GNG4: variants seen among roughly 807,000 people sequenced by gnomAD.
GNG4 encodes the protein G protein subunit gamma 4.
In GNG4, 4 loss-of-function variants were observed where a neutral mutation model predicts 5.8. That is an observed-to-expected ratio of 0.69 (90% confidence interval 0.34 to 1.57). The LOEUF is 1.57. GNG4 is among the 40% of genes most tolerant of loss of function. GNG4 has a pLI of 0.06. For missense variants in GNG4, 96 were observed against 95.1 expected (o/e 1.01, Z -0.04); for synonymous variants, 29 against 32.9 (o/e 0.88, Z 0.41).
chr1:235,578,317 T>C (rs1442071002), intron 3 of GNG4, among the ~76,000 whole-genome samples: 1 of 152,210 alleles, frequency 6.6e-6, no homozygotes, highest in Non-Finnish European at 1.5e-5. Context: ...AACCGTGGTA[T>C]GCCATTGGTG....
chr1:235,649,279 C>T lies in GNG4; in HGVS notation c.-123+383G>A, dbSNP rs1282165834. Among the ~76,000 whole-genome samples the T allele has an allele frequency of 6.6e-6, 1 of 152,230 alleles. No homozygotes were observed. Among genetic ancestry groups the T allele is most frequent in the Non-Finnish European group, 1.5e-5 (1 of 68,034 alleles). On this transcript the variant is annotated intron_variant, in intron 1 of 3. Transcript: ENST00000391854. The surrounding 1 kb of genome is among the most constrained non-coding windows in gnomAD (Gnocchi z 5.7). Reference sequence around the variant, plus strand: ...CTCCTGCCACTGAGGTCCTTTTCCACGGGGGACGTCCCCGCTGGGAAAACA... The same window carrying T: ...CTCCTGCCACTGAGGTCCTTTTCCATGGGGGACGTCCCCGCTGGGAAAACA...
At chr1:235,594,546 T>C (rs1254787556) in intron 2 of GNG4, among the ~76,000 whole-genome samples, 2 of 152,112 alleles carry the variant, frequency 1.3e-5, no homozygotes, top group Non-Finnish European at 2.9e-5. Context: ...GGCTCAGGCA[T>C]GGTGGGCTGC....
chr1:235,598,125 G>A (rs976659775), intron 1 of GNG4, among the ~76,000 whole-genome samples: 3 of 152,064 alleles, frequency 2.0e-5, no homozygotes, highest in Non-Finnish European at 2.9e-5. Context: ...CTCTACCATC[G>A]GTTCCCCAAA....
intron 2 of GNG4, among the ~76,000 whole-genome samples, chr1:235,590,616 TTC>T (rs949123073): frequency 7.9e-5 from 12 of 152,180 alleles, no homozygotes; most frequent in African/African-American, 2.9e-4. Flanking sequence ...CTCACCCTGA[TTC>T]TGTGTCTAGG....
intron 1 of GNG4, among the ~76,000 whole-genome samples, chr1:235,638,811 C>T (rs1239191112): frequency 6.6e-6 from 1 of 152,132 alleles, no homozygotes; most frequent in Non-Finnish European, 1.5e-5. Flanking sequence ...CAGCTTCATC[C>T]ATGTCCCTGC....
Position 235,549,839 on chromosome 1 carries a change from C to T in GNG4, c.*2270G>A, listed in dbSNP as rs1049244116. ...GGAACCATGGTCTCTTTGAAGTCAT[C>T]CATTCTTCCCTATATTATACCACGG... On this transcript the variant is annotated 3_prime_UTR_variant, in exon 4 of 4. Transcript: ENST00000391854. 9 of 152,196 alleles carry T rather than the reference C, an allele frequency of 5.9e-5. No individual in the cohort carries two copies. The highest frequency in any genetic ancestry group is 2.2e-4 in the African/African-American group (9 of 41,454). 9.4% of individuals were successfully genotyped at this position (152,196 alleles called of 1,614,324 possible).
intron 3 of GNG4, among the ~76,000 whole-genome samples, chr1:235,561,050 G>T (rs534969378): frequency 6.6e-6 from 1 of 152,098 alleles, no homozygotes; most frequent in African/African-American, 2.4e-5. Context: ...TCACTCTGTC[G>T]CCAGGCTGCA....
chr1:235,605,056 C>A (rs1462533874), intron 1 of GNG4, among the ~76,000 whole-genome samples: 1 of 152,086 alleles, frequency 6.6e-6, no homozygotes, highest in Non-Finnish European at 1.5e-5. Flanking sequence ...AGTCATTTGT[C>A]CAAAGCCATT....
chr1:235,567,836 T>C (rs567552544), intron 3 of GNG4, among the ~76,000 whole-genome samples: 1 of 152,340 alleles, frequency 6.6e-6, no homozygotes, highest in South Asian at 2.1e-4. Context: ...AGGTGATACA[T>C]GGATTGTCTC....
rs1459139771 is a variant in GNG4 at position 235,649,365 on chromosome 1, C to G, written c.-123+297G>C. ...CCCCCGAGCCCCCGCCTGCCTCATGCCGGAGGGACCGGGCGCCCCCAGCCC... is the reference window on the plus strand; with the variant it reads ...CCCCCGAGCCCCCGCCTGCCTCATGGCGGAGGGACCGGGCGCCCCCAGCCC... On this transcript the variant is annotated intron_variant, in intron 1 of 3. Transcript: ENST00000391854. The surrounding 1 kb of genome is among the most constrained non-coding windows in gnomAD (Gnocchi z 5.7). Among the ~76,000 whole-genome samples the G allele has an allele frequency of 6.6e-6, 1 of 152,194 alleles. No individual in the cohort carries two copies. Among genetic ancestry groups the G allele is most frequent in the Non-Finnish European group, 1.5e-5 (1 of 68,020 alleles).
intron 1 of GNG4, among the ~76,000 whole-genome samples, chr1:235,646,602 C>T (rs930876359): frequency 6.6e-6 from 1 of 152,216 alleles, no homozygotes; most frequent in Non-Finnish European, 1.5e-5. Flanking sequence ...GCCATGGAGA[C>T]GAACAGTTCC....
intron 1 of GNG4, among the ~76,000 whole-genome samples, chr1:235,626,085 G>A (rs1023204505): frequency 5.3e-5 from 8 of 152,124 alleles, no homozygotes; most frequent in African/African-American, 1.9e-4. Context: ...GCAGATCCTG[G>A]CCCGCTTTGT....
intron 2 of GNG4, among the ~76,000 whole-genome samples, chr1:235,587,490 G>GTGTA (rs1687819322): frequency 2.9e-5 from 1 of 34,042 alleles, no homozygotes. Flanking sequence ...GTGTGGATGG[G>GTGTA]GGGTGGGGGT....
intron 3 of GNG4, among the ~76,000 whole-genome samples, chr1:235,579,392 CAAAGTAAATACATTAATAAAAAAAAA>C (rs1687566889): frequency 7.3e-6 from 1 of 136,318 alleles, no homozygotes; most frequent in Non-Finnish European, 1.5e-5. Context: ...TTTTACTTGT[CAAAGTAAATACATTAATAAAAAAAAA>C]AAAGTAAATA....
At chr1:235,622,384 T>TA (rs1213686815) in intron 1 of GNG4, among the ~76,000 whole-genome samples, 5 of 152,188 alleles carry the variant, frequency 3.3e-5, no homozygotes, top group African/African-American at 1.2e-4. Flanking sequence ...CATGTGTAGC[T>TA]AAGGGGTGAG....
At chr1:235,632,625 T>G (rs1162190433) in intron 1 of GNG4, among the ~76,000 whole-genome samples, 1 of 152,230 alleles carries the variant, frequency 6.6e-6, no homozygotes, top group Non-Finnish European at 1.5e-5. Context: ...CAAGGTTTTT[T>G]CTCTTTGTGT....
At chr1:235,585,523 C>T (rs1263819313) in intron 2 of GNG4, among the ~76,000 whole-genome samples, 5 of 152,186 alleles carry the variant, frequency 3.3e-5, no homozygotes, top group African/African-American at 9.6e-5. Context: ...AAAAAGATAA[C>T]GTGTGTGTGC....
intron 3 of GNG4, among the ~76,000 whole-genome samples, chr1:235,574,579 GTT>G (rs111983126): frequency 0.054 from 8,176 of 152,190 alleles, 267 homozygotes; most frequent in Middle Eastern, 0.078. Context: ...TTTATTTATG[GTT>G]TTAAATAAAT....
chr1:235,553,758 C>T (rs1686818381), intron 3 of GNG4, among the ~76,000 whole-genome samples: 1 of 152,136 alleles, frequency 6.6e-6, no homozygotes, highest in Non-Finnish European at 1.5e-5. Flanking sequence ...AAATGAGTTC[C>T]GGTGAACATC....
Sources: gnomAD v4.1 joint callset for allele counts (sites outside exome capture counted in the v4.1 genomes callset) on GRCh38, gnomAD v4.1.1 for gene constraint, Gnocchi (gnomAD v3.1) non-coding constraint, MANE v1.5 for transcripts, NCBI Gene and HGNC (gene_info 2026-07-23, HGNC 2026-07-21) for gene names.